The following ACACB variants were observed in gnomAD, a reference collection of about 807,000 sequenced individuals.
The protein encoded by ACACB is acetyl-CoA carboxylase beta.
ACACB carries 209 observed loss-of-function variants against 278.8 expected under a neutral mutation model. That is an observed-to-expected ratio of 0.75 (90% CI 0.67 to 0.84). ACACB has a LOEUF of 0.84. Ranked by LOEUF, ACACB falls within the 40% of genes least tolerant of loss-of-function variation. The pLI is 0.00. For synonymous variants in ACACB, 1,174 were observed against 1,285.6 expected (o/e 0.91, Z 1.86); for missense variants, 2,850 against 3,269.0 (o/e 0.87, Z 3.13).
chr12:109,258,358 G>A lies in ACACB; in HGVS notation c.6354G>A (p.Glu2118=). ...CAGACCCTGCCAACCTGGATTCTGAGGCCAAGGTGAGGGGGCCGGGAGCTG... is the reference window on the plus strand; with the variant it reads ...CAGACCCTGCCAACCTGGATTCTGAAGCCAAGGTGAGGGGGCCGGGAGCTG... The part of the protein sequence containing the change: ...VPADPANLDS[E]AKIIQQAGQV... The change falls in exon 46 of 53, where the codon GAG becomes GAA. Residue 2118 remains glutamate, a synonymous_variant. Coordinates refer to ENST00000338432, the MANE Select transcript of ACACB (RefSeq NM_001093.4). The A allele has an allele frequency of 6.2e-7, 1 of 1,611,242 alleles. No individual in the cohort carries two copies. The highest frequency in any genetic ancestry group is 2.2e-5 in the East Asian group (1 of 44,848).
At chr12:109,211,125 G>T (rs2045833760) in intron 21 of ACACB, among the ~76,000 whole-genome samples, 1 of 151,850 alleles carries the variant, frequency 6.6e-6, no homozygotes, top group Admixed American at 6.6e-5. Flanking sequence ...TGGTGGGAGG[G>T]TTCCCCACCA....
intron 3 of ACACB, among the ~76,000 whole-genome samples, chr12:109,167,654 T>TATATATATATATATATATATATATATATA (rs71079531): frequency 1.0e-4 from 14 of 138,732 alleles, no homozygotes; most frequent in South Asian, 2.3e-4. Flanking sequence ...TATATATATA[T>TATATATATATATATATATATATATATATA]TTCAGACAAA....
At chr12:109,174,028 C>G (rs2044201252) in intron 6 of ACACB, 104 bp from the exon 7 acceptor site, 2 of 885,788 alleles carry the variant, frequency 2.3e-6, no homozygotes, top group African/African-American at 3.4e-5. Context: ...TCTCTGTCAT[C>G]TGCTCCTTAC....
At position 109,197,093 on chromosome 12, in the gene ACACB, G is replaced by C; in HGVS notation, c.2567G>C (p.Gly856Ala). Residue 856 changes from glycine to alanine, a missense_variant, in exon 17 of 53, where the codon GGG becomes GCG. By Grantham distance (60) the Gly-to-Ala change is moderately conservative (BLOSUM62 0). This residue lies in a region of ACACB where 2,265 missense variants were observed against 2,561.3 expected (regional missense o/e 0.88). Coordinates refer to ENST00000338432, the MANE Select transcript of ACACB (RefSeq NM_001093.4). ...EIDAHRLNDG[G>A]LLLSYNGNSY... ...GATGCCCACCGGCTGAATGATGGGGGGCTCCTGCTCTCCTACAATGGGAAC... is the reference window on the plus strand; with the variant it reads ...GATGCCCACCGGCTGAATGATGGGGCGCTCCTGCTCTCCTACAATGGGAAC... The C allele has an allele frequency of 3.7e-6, 6 of 1,601,486 alleles. No individual in the cohort carries two copies. Among genetic ancestry groups the C allele is most frequent in the Non-Finnish European group, 5.1e-6 (6 of 1,175,116 alleles).
At position 109,241,102 on chromosome 12, in the gene ACACB, G is replaced by A. The variant is rs1196080261; in HGVS notation, c.4843G>A (p.Val1615Ile). Residue 1615 changes from valine to isoleucine, a missense_variant, in exon 36 of 53, where the codon GTT (valine) becomes ATT (isoleucine). By Grantham distance (29) the Val-to-Ile change is conservative. Transcript: ENST00000338432. Reference sequence around the variant, plus strand: ...GATCGAGGAGTCCGTGCGCTACATGGTTATGCGCTACGGCAGCCGGCTGTG... The same window carrying A: ...GATCGAGGAGTCCGTGCGCTACATGATTATGCGCTACGGCAGCCGGCTGTG... ...FKIEESVRYM[V>I]MRYGSRLWKL... 7 of 1,614,156 alleles carry A rather than the reference G, an allele frequency of 4.3e-6. No homozygotes were observed. In the Admixed American group the frequency reaches 8.3e-5, roughly 19 times the overall value.
At chr12:109,210,269 ACATATACACACACATATCTGTGTG>A (rs1311616707) in intron 21 of ACACB, among the ~76,000 whole-genome samples, 1,152 of 7,724 alleles carry the variant, frequency 0.15, 150 homozygotes, top group African/African-American at 0.22. Flanking sequence ...GTGTATATGT[ACATATACACACACATATCTGTGTG>A]TATATGTATA....
Position 109,242,685 on chromosome 12 carries a change from C to T in ACACB, c.5178+93C>T, listed in dbSNP as rs2046833832. 4.7e-6 allele frequency: 7 copies of T among 1,479,892 alleles called. No homozygotes were observed. The Admixed American group carries it at 9.3e-5, about 20-fold the overall frequency. The allele number at this position is 1,479,892 out of a possible 1,614,324, so 91.7% of individuals were successfully genotyped here. ...CATCCTTAATTCTCCTTCTAAAGAC[C>T]TAGTCTAAAGGACAAGGTCTTGCCA... On this transcript the variant is annotated intron_variant, in intron 37 of 52. Coordinates refer to ENST00000338432, the MANE Select transcript of ACACB (RefSeq NM_001093.4).
At chr12:109,133,880 T>C (rs1319259790) in intron 1 of ACACB, among the ~76,000 whole-genome samples, 2 of 128,388 alleles carry the variant, frequency 1.6e-5, no homozygotes, top group African/African-American at 3.0e-5. Context: ...TTTTTTTTTT[T>C]TTCATTTTTT....
intron 1 of ACACB, chr12:109,125,452 T>C (rs2042655864): frequency 6.6e-6 from 1 of 152,198 alleles, no homozygotes; most frequent in South Asian, 2.1e-4. Flanking sequence ...ACTAACGATG[T>C]CTGTGGAATT....
intron 40 of ACACB, among the ~76,000 whole-genome samples, chr12:109,248,279 TAGTC>T (rs1375178651): frequency 1.3e-5 from 2 of 152,164 alleles, no homozygotes; most frequent in Non-Finnish European, 2.9e-5. Flanking sequence ...CATGCTGTAT[TAGTC>T]AGCGTTCTCC....
intron 2 of ACACB, among the ~76,000 whole-genome samples, chr12:109,153,077 C>T (rs1010419827): frequency 1.3e-5 from 2 of 152,130 alleles, no homozygotes; most frequent in Non-Finnish European, 2.9e-5. Flanking sequence ...ACCTCTGCCT[C>T]GTGGGTTCAA....
intron 16 of ACACB, among the ~76,000 whole-genome samples, chr12:109,194,270 A>C (rs1016521012): frequency 6.6e-6 from 1 of 152,030 alleles, no homozygotes. Flanking sequence ...ACCTTGGCTC[A>C]CTGCAACCTC....
At position 109,194,512 on chromosome 12, in the gene ACACB, ATGTGTG is replaced by A. The variant is rs370227666; in HGVS notation, c.2481+815_2481+820del. Among the ~76,000 whole-genome samples the A allele has an allele frequency of 3.4e-3, 303 of 88,800 alleles. 1 individual carries two copies. The highest frequency in any genetic ancestry group is 5.4e-3 in the Non-Finnish European group (220 of 40,368). 58.3% of individuals were successfully genotyped at this position (88,800 alleles called of 152,430 possible). A position where few individuals can be genotyped will look rare whatever the true frequency, so the allele number is the denominator to read the frequency against. Reference sequence around the variant, plus strand: ...CCCCAACCTCTGCCTCTGTGTGTGCATGTGTGTGTGTGTGTGTGTGTGTGTGTGTGT... The same window carrying A: ...CCCCAACCTCTGCCTCTGTGTGTGCATGTGTGTGTGTGTGTGTGTGTGTGT... On this transcript the variant is annotated intron_variant, in intron 16 of 52. Coordinates refer to ENST00000338432, the MANE Select transcript of ACACB (RefSeq NM_001093.4).
chr12:109,265,083 G>A (rs760259500), intron 50 of ACACB, 27 bp from the exon 51 acceptor site: 12 of 1,585,298 alleles, frequency 7.6e-6, no homozygotes, highest in African/African-American at 2.7e-5. Flanking sequence ...TTCCCTTTCC[G>A]GGGATTCAAG....
At chr12:109,203,486 G>A (rs774458356) in intron 19 of ACACB, among the ~76,000 whole-genome samples, 5 of 152,234 alleles carry the variant, frequency 3.3e-5, no homozygotes, top group Non-Finnish European at 7.3e-5. Context: ...CTCACTGATT[G>A]TCTTGTTGCT....
intron 2 of ACACB, among the ~76,000 whole-genome samples, chr12:109,150,940 T>C (rs534328380): frequency 6.6e-6 from 1 of 151,784 alleles, no homozygotes; most frequent in Non-Finnish European, 1.5e-5. Flanking sequence ...GTTTACTTTT[T>C]CTTTTTCTTT....
intron 34 of ACACB, among the ~76,000 whole-genome samples, chr12:109,238,513 T>G (rs2046704073): frequency 6.9e-6 from 1 of 144,712 alleles, no homozygotes; most frequent in Non-Finnish European, 1.5e-5. Flanking sequence ...TAATACATAT[T>G]ATATGTATTT....
In ACACB at chr12:109,172,306, A is replaced by G. The variant is rs1424711229; in HGVS notation, c.1067A>G (p.Glu356Gly). The G allele has an allele frequency of 6.2e-7, 1 of 1,614,100 alleles. No individual in the cohort carries two copies. ...TGGGCTGGCTGGGGCCATGCTTCAG[A>G]AAACCCTAAACTTCCGGAGCTGCTG... is the stretch of plus-strand genomic sequence containing the variant. ...AVWAGWGHASENPKLPELLCK... is the reference protein window; with the variant it reads ...AVWAGWGHASGNPKLPELLCK... The change falls in exon 6 of 53, where the codon GAA becomes GGA. Residue 356 changes from glutamate to glycine, a missense_variant. Physicochemically the swap from Glu to Gly is moderately conservative, Grantham distance 98 (BLOSUM62 -2). Coordinates refer to ENST00000338432, the MANE Select transcript of ACACB (RefSeq NM_001093.4).
Position 109,176,042 on chromosome 12 carries a change from T to A in ACACB, c.1326+2T>A. 1 of 1,613,950 alleles carries A rather than the reference T, an allele frequency of 6.2e-7. No homozygotes were observed. ...AAAGACGTAGATGAGGGCTTGGAGG[T>A]AAATGCAGAGCCTGTGGGGGCCAGG... On this transcript the variant is annotated splice_donor_variant, in intron 8 of 52. Coordinates refer to ENST00000338432, the MANE Select transcript of ACACB (RefSeq NM_001093.4). LOFTEE classifies it high-confidence loss of function.
Sources: allele counts gnomAD v4.1 joint callset (sites outside exome capture counted in the v4.1 genomes callset), GRCh38; gene constraint gnomAD v4.1.1; regional missense constraint gnomAD v4.1.1; transcripts MANE v1.5; gene names NCBI Gene and HGNC (gene_info 2026-07-23, HGNC 2026-07-21).